Variants in ATE1 observed in about 807,000 individuals in gnomAD.
The protein encoded by ATE1 is arginyl-tRNA--protein transferase 1.
Under a neutral mutation model 70.5 loss-of-function variants are expected in ATE1, and 36 were observed. That is an observed-to-expected ratio of 0.51 (90% CI 0.39 to 0.67). ATE1 has a LOEUF of 0.67. Among genes scored for constraint, ATE1 ranks in the 30% least tolerant of loss-of-function variants. The pLI is 0.00. For missense variants in ATE1, 593 were observed against 629.5 expected (o/e 0.94, Z 0.62); for synonymous variants, 232 against 219.3 (o/e 1.06, Z -0.51).
chr10:121,752,908 C>T (rs914476154), intron 11 of ATE1, among the ~76,000 whole-genome samples: 1 of 152,154 alleles, frequency 6.6e-6, no homozygotes, highest in Non-Finnish European at 1.5e-5. Context: ...TAGATCACTG[C>T]TCTGAATCTG....
chr10:121,798,901 G>GA lies in ATE1; in HGVS notation c.1258-8613dup, dbSNP rs66790507. Among the ~76,000 whole-genome samples, 802 of 105,594 alleles carry GA rather than the reference G, an allele frequency of 7.6e-3. 1 individual carries two copies. Among genetic ancestry groups the GA allele is most frequent in the Middle Eastern group, 0.032 (7 of 220 alleles). The allele number at this position is 105,594 out of a possible 152,430, so 69.3% of individuals were successfully genotyped here. A position where few individuals can be genotyped will look rare whatever the true frequency, so the allele number is the denominator to read the frequency against. ...GTGACAGAGTAAGACTCTGTCTCAA[G>GA]AAAAAAAAAAAAAAAGGTAATGAAG... On this transcript the variant is annotated intron_variant, in intron 10 of 11. Coordinates refer to ENST00000224652, the MANE Select transcript of ATE1 (RefSeq NM_001001976.3).
chr10:121,824,510 T>G (rs1394025479), intron 10 of ATE1, among the ~76,000 whole-genome samples: 1 of 152,220 alleles, frequency 6.6e-6, no homozygotes, highest in Non-Finnish European at 1.5e-5. Flanking sequence ...CACCTACTTT[T>G]GGGCAAAGCC....
chr10:121,847,640 C>T (rs1948881478), intron 8 of ATE1, among the ~76,000 whole-genome samples: 1 of 150,368 alleles, frequency 6.7e-6, no homozygotes, highest in South Asian at 2.1e-4. Flanking sequence ...TGCCTGTAAT[C>T]CCAGCTACTC....
chr10:121,874,634 G>C (rs372576373), intron 7 of ATE1, among the ~76,000 whole-genome samples: 1 of 152,104 alleles, frequency 6.6e-6, no homozygotes, highest in Non-Finnish European at 1.5e-5. Flanking sequence ...TGCAAGCAAC[G>C]TAGCAGAAAG....
At chr10:121,896,121 T>A (rs754809776) in intron 7 of ATE1, among the ~76,000 whole-genome samples, 1 of 152,224 alleles carries the variant, frequency 6.6e-6, no homozygotes, top group South Asian at 2.1e-4. Flanking sequence ...CCAAGTGTCA[T>A]TTTAACGTAT....
rs767373681 is a variant in ATE1, at chr10:121,927,862, A to C, written c.88T>G (p.Ser30Ala). The change falls in exon 1 of 12, where the codon TCG becomes GCG. Residue 30 changes from serine (S) to alanine (A), a missense_variant. Ser to Ala is a moderately conservative substitution (Grantham distance 99, BLOSUM62 1). Coordinates refer to ENST00000224652, the MANE Select transcript of ATE1 (RefSeq NM_001001976.3). ...CGCTCACCATTGGAGCGGCTGCCCG[A>C]CTCGTTCTTGCAGTAGCCGCAGCGG... ...FYRCGYCKNESGSRSNGMWAH... is the reference protein window; with the variant it reads ...FYRCGYCKNEAGSRSNGMWAH... 19 of 1,577,116 alleles carry C rather than the reference A, an allele frequency of 1.2e-5. No homozygotes were observed. The highest frequency in any genetic ancestry group is 2.1e-4 in the Middle Eastern group (1 of 4,714).
rs538914300 is a variant in ATE1 at position 121,841,098 on chromosome 10, C to T, written c.1141G>A (p.Val381Ile). 6.8e-5 allele frequency: 107 copies of T among 1,562,440 alleles called. 1 individual carries two copies. The South Asian group carries it at 9.3e-4, about 14-fold the overall frequency. ...DPDYSFLSLG[V>I]YSALREIAFT... Reference sequence around the variant, plus strand: ...CAATCTTACCGTAGTGCAGAGTAGACGCCCAAAGACAAAAACGAATAATCA... The same window carrying T: ...CAATCTTACCGTAGTGCAGAGTAGATGCCCAAAGACAAAAACGAATAATCA... The change falls in exon 9 of 12, where the codon GTC becomes ATC. Residue 381 changes from valine to isoleucine, a missense_variant. Coordinates refer to ENST00000224652, the MANE Select transcript of ATE1 (RefSeq NM_001001976.3).
chr10:121,916,562 G>C (rs1022009548), intron 3 of ATE1, among the ~76,000 whole-genome samples: 1 of 152,116 alleles, frequency 6.6e-6, no homozygotes, highest in African/African-American at 2.4e-5. Context: ...CAGGCCGGGC[G>C]CGGTGGCTCA....
At chr10:121,755,837 C>A (rs955950622) in intron 11 of ATE1, among the ~76,000 whole-genome samples, 3 of 152,154 alleles carry the variant, frequency 2.0e-5, no homozygotes, top group Non-Finnish European at 2.9e-5. Context: ...ATTATGGGAG[C>A]TACAAGATGA....
chr10:121,837,897 C>T (rs762994822), intron 9 of ATE1, among the ~76,000 whole-genome samples: 1 of 152,162 alleles, frequency 6.6e-6, no homozygotes, highest in Non-Finnish European at 1.5e-5. Context: ...TACCAATCCA[C>T]TTGGTCCTGC....
intron 6 of ATE1, among the ~76,000 whole-genome samples, chr10:121,901,139 C>A (rs1950966033): frequency 6.6e-6 from 1 of 151,930 alleles, no homozygotes; most frequent in African/African-American, 2.4e-5. Flanking sequence ...TAGTGGTGGG[C>A]ACTTGTAATC....
chr10:121,878,657 A>G (rs1455009687), intron 7 of ATE1, among the ~76,000 whole-genome samples: 1 of 152,130 alleles, frequency 6.6e-6, no homozygotes, highest in Non-Finnish European at 1.5e-5. Flanking sequence ...TATGCACTTT[A>G]CTACACTATA....
rs200668610 is a variant in ATE1 at position 121,859,259 on chromosome 10, TA to T, written c.975+10746del. ...GAAAAGTTATTATTTTATTTTATTT[TA>T]TTTTTTTTTTTTTTGAGACGGAGTC... On this transcript the variant is annotated intron_variant, in intron 8 of 11. Coordinates refer to ENST00000224652, the MANE Select transcript of ATE1 (RefSeq NM_001001976.3). Among the ~76,000 whole-genome samples, 48 of 149,782 alleles carry T rather than the reference TA, an allele frequency of 3.2e-4. 1 individual carries two copies. The South Asian group carries it at 4.4e-3, about 14-fold the overall frequency.
intron 7 of ATE1, among the ~76,000 whole-genome samples, chr10:121,880,999 CATT>C (rs1483337225): frequency 6.6e-6 from 1 of 152,172 alleles, no homozygotes; most frequent in Non-Finnish European, 1.5e-5. Context: ...GTGCTTAACT[CATT>C]GTATGTAAAT....
At chr10:121,811,009 T>A (rs1947298853) in intron 10 of ATE1, among the ~76,000 whole-genome samples, 1 of 152,174 alleles carries the variant, frequency 6.6e-6, no homozygotes, top group Admixed American at 6.5e-5. Context: ...CCAAAACAAA[T>A]TTTTTAAAAT....
intron 7 of ATE1, among the ~76,000 whole-genome samples, chr10:121,871,574 C>T (rs1221371586): frequency 6.6e-6 from 1 of 152,094 alleles, no homozygotes; most frequent in East Asian, 1.9e-4. Flanking sequence ...TGAGGTTTTC[C>T]ATAACAAAGT....
chr10:121,838,029 T>A lies in ATE1; in HGVS notation c.1158-1212A>T, dbSNP rs139901344. Among the ~76,000 whole-genome samples, 14 of 152,222 alleles carry A rather than the reference T, an allele frequency of 9.2e-5. No homozygotes were observed. In the East Asian group the frequency reaches 2.5e-3, roughly 27 times the overall value. The stretch of plus-strand genomic sequence containing the variant: ...CCATCAGCAGGTCTTTTGGGCTTTC[T>A]CTCTAAAATATGTCTTGAATCTGAC... On this transcript the variant is annotated intron_variant, in intron 9 of 11. Transcript: ENST00000224652.
chr10:121,743,468 G>A lies in ATE1; in HGVS notation c.*212C>T, dbSNP rs1346263864. The A allele has an allele frequency of 1.1e-6, 1 of 930,316 alleles. No individual in the cohort carries two copies. The highest frequency in any genetic ancestry group is 1.7e-5 in the African/African-American group (1 of 58,640). 57.6% of individuals were successfully genotyped at this position (930,316 alleles called of 1,614,324 possible). On this transcript the variant is annotated 3_prime_UTR_variant, in exon 12 of 12. Transcript: ENST00000224652. ...AAAATGATAAATCCCAATTATGGGGGCTAGGTCATAATGCAGTTTTAAAAT... is the reference window on the plus strand; with the variant it reads ...AAAATGATAAATCCCAATTATGGGGACTAGGTCATAATGCAGTTTTAAAAT...
At chr10:121,885,514 G>A (rs1383343864) in intron 7 of ATE1, among the ~76,000 whole-genome samples, 15 of 142,300 alleles carry the variant, frequency 1.1e-4, no homozygotes, top group African/African-American at 3.1e-4. Context: ...AGCTTGCAGT[G>A]AGCCAAGATC....
Sources: allele counts gnomAD v4.1 joint callset (sites outside exome capture counted in the v4.1 genomes callset), GRCh38; gene constraint gnomAD v4.1.1; transcripts MANE v1.5; gene names NCBI Gene and HGNC (gene_info 2026-07-23, HGNC 2026-07-21).